The following SCN3A variants were observed in gnomAD, a reference collection of about 807,000 sequenced individuals.
SCN3A encodes sodium voltage-gated channel alpha subunit 3.
SCN3A carries 60 observed loss-of-function variants against 187.6 expected under a neutral mutation model. The ratio of observed to expected loss-of-function variants is 0.32; its 90% CI spans 0.26 to 0.40. SCN3A has a LOEUF of 0.40. SCN3A is among the 10% of genes least tolerant of loss of function. The pLI is 1.00. For synonymous variants in SCN3A, 788 were observed against 829.2 expected (o/e 0.95, Z 0.85); for missense variants, 1,601 against 2,428.2 (o/e 0.66, Z 7.16).
intron 9 of SCN3A, among the ~76,000 whole-genome samples, chr2:165,156,278 G>A (rs759021577): frequency 2.6e-5 from 4 of 151,794 alleles, no homozygotes; most frequent in Admixed American, 6.6e-5. Flanking sequence ...AGGCCAAGGC[G>A]GGCGGATCAT....
At chr2:165,099,509 G>A (rs1009103985) in intron 22 of SCN3A, among the ~76,000 whole-genome samples, 2 of 152,080 alleles carry the variant, frequency 1.3e-5, no homozygotes, top group African/African-American at 4.8e-5. Flanking sequence ...ATGAGGTCAG[G>A]GGATCGAGAC....
intron 11 of SCN3A, among the ~76,000 whole-genome samples, chr2:165,152,953 A>G (rs979304590): frequency 7.2e-4 from 109 of 151,836 alleles, no homozygotes; most frequent in African/African-American, 2.3e-3. Flanking sequence ...TTAGAAAAAA[A>G]ACTCATACAG....
chr2:165,170,130 G>T (rs935583219), intron 4 of SCN3A, among the ~76,000 whole-genome samples: 1 of 151,796 alleles, frequency 6.6e-6, no homozygotes, highest in African/African-American at 2.4e-5. Context: ...TTTAGCAATG[G>T]TTATATATGA....
intron 17 of SCN3A, among the ~76,000 whole-genome samples, 198 bp downstream of exon 17, chr2:165,129,742 A>T (rs1687201486): frequency 6.6e-6 from 1 of 152,222 alleles, no homozygotes; most frequent in South Asian, 2.1e-4. Context: ...TTTCAGTTTT[A>T]TTATTCCAAT....
intron 2 of SCN3A, among the ~76,000 whole-genome samples, chr2:165,180,470 G>C (rs918954648): frequency 1.4e-4 from 21 of 152,162 alleles, no homozygotes; most frequent in Non-Finnish European, 2.8e-4. Flanking sequence ...AAGTGATATT[G>C]GAGTAGGTTT....
Position 165,162,647 on chromosome 2 carries a change from AGTG to A in SCN3A, c.873_875del (p.Thr292del). On this transcript the variant is annotated inframe_deletion, in exon 8 of 28. Transcript: ENST00000283254. ...AATCCATTGTGCCATTAAAGTAGGA[AGTG>A]GTGTTGGTTTCAAAAGCAGAATCGC... 6.2e-7 allele frequency: 1 copy of A among 1,614,158 alleles called. No individual in the cohort carries two copies. Among genetic ancestry groups the A allele is most frequent in the South Asian group, 1.1e-5 (1 of 91,086 alleles).
chr2:165,190,606 A>G (rs940658265), intron 1 of SCN3A, among the ~76,000 whole-genome samples: 1 of 147,252 alleles, frequency 6.8e-6, no homozygotes, highest in Non-Finnish European at 1.5e-5. Flanking sequence ...ATAACTTTAT[A>G]TATATATATA....
At chr2:165,111,313 CA>C (rs1275130920) in intron 21 of SCN3A, among the ~76,000 whole-genome samples, 1 of 152,030 alleles carries the variant, frequency 6.6e-6, no homozygotes, top group Non-Finnish European at 1.5e-5. Context: ...CCAGCCTAGG[CA>C]AGAAGAGCGA....
At position 165,140,080 on chromosome 2, in the gene SCN3A, T is replaced by C. The variant is rs1372738350; in HGVS notation, c.2020-472A>G. Among the ~76,000 whole-genome samples, 2 of 152,156 alleles carry C rather than the reference T, an allele frequency of 1.3e-5. No homozygotes were observed. The highest frequency in any genetic ancestry group is 4.8e-5 in the African/African-American group (2 of 41,436). ...GACATATGTGGGCCAATTTTTTCCA[T>C]GCACAAACACAGATGTACGATGAAA... On this transcript the variant is annotated intron_variant, in intron 13 of 27. Transcript: ENST00000283254. The surrounding 1 kb of genome is among the most constrained non-coding windows in gnomAD (Gnocchi z 4.2).
intron 27 of SCN3A, among the ~76,000 whole-genome samples, chr2:165,091,639 T>C (rs930917339): frequency 4.6e-5 from 7 of 152,200 alleles, no homozygotes; most frequent in Admixed American, 1.3e-4. Flanking sequence ...TACACATGAA[T>C]TGTGGCAATT....
At chr2:165,194,660 C>A (rs181559150) in intron 1 of SCN3A, among the ~76,000 whole-genome samples, 1 of 152,122 alleles carries the variant, frequency 6.6e-6, no homozygotes, top group East Asian at 1.9e-4. Flanking sequence ...CAATTTTGTA[C>A]ACATGACATC....
chr2:165,135,661 A>G (rs900446156), intron 15 of SCN3A, among the ~76,000 whole-genome samples: 2 of 152,110 alleles, frequency 1.3e-5, no homozygotes, highest in African/African-American at 4.8e-5. Context: ...TCATATGGAT[A>G]TTTATGATAA....
chr2:165,089,929 G>C lies in SCN3A; in HGVS notation c.*221C>G, dbSNP rs991884375. On this transcript the variant is annotated 3_prime_UTR_variant, in exon 28 of 28. Transcript: ENST00000283254. ...ATTGGGTTTCTCCTCAGCAGTGTCA[G>C]CTGGTAATAAAAACAGCAACCTCTT... 1 of 590,862 alleles carries C rather than the reference G, an allele frequency of 1.7e-6. No homozygotes were observed. The highest frequency in any genetic ancestry group is 1.9e-5 in the African/African-American group (1 of 53,474). 36.6% of individuals were successfully genotyped at this position (590,862 alleles called of 1,614,324 possible).
At chr2:165,181,218 T>C (rs1026496932) in intron 2 of SCN3A, among the ~76,000 whole-genome samples, 7 of 152,214 alleles carry the variant, frequency 4.6e-5, no homozygotes, top group Non-Finnish European at 1.0e-4. Context: ...TTCACGCATA[T>C]GTGTGGCTGG....
chr2:165,099,321 A>G (rs2105655803), intron 22 of SCN3A, among the ~76,000 whole-genome samples: 2 of 152,306 alleles, frequency 1.3e-5, no homozygotes, highest in Admixed American at 1.3e-4. Context: ...TTATGTTTAG[A>G]TGCATAATAT....
At chr2:165,135,579 C>A (rs767890170) in intron 15 of SCN3A, among the ~76,000 whole-genome samples, 10 of 151,984 alleles carry the variant, frequency 6.6e-5, no homozygotes, top group Non-Finnish European at 1.3e-4. Context: ...AGCTTAGCAC[C>A]AATGATAGAA....
At chr2:165,165,636 T>G (rs1049811472) in intron 5 of SCN3A, among the ~76,000 whole-genome samples, 1 of 152,178 alleles carries the variant, frequency 6.6e-6, no homozygotes, top group Non-Finnish European at 1.5e-5. Context: ...AAGCACAATT[T>G]AAGTTTATTT....
intron 13 of SCN3A, 152 bp from the exon 14 acceptor site, chr2:165,139,760 G>GT (rs200435317): frequency 0.03 from 22,480 of 739,442 alleles, 26 homozygotes; most frequent in East Asian, 0.071. Flanking sequence ...GTTATAAACA[G>GT]TTTTTTTTTT....
chr2:165,094,240 A>T, intron 26 of SCN3A, 134 bp downstream of exon 26: 2 of 775,830 alleles, frequency 2.6e-6, no homozygotes, highest in South Asian at 1.4e-5. Context: ...GTGAATTATG[A>T]TGCAAAATAT....
Sources: gnomAD v4.1 joint callset for allele counts (sites outside exome capture counted in the v4.1 genomes callset) on GRCh38, gnomAD v4.1.1 for gene constraint, Gnocchi (gnomAD v3.1) non-coding constraint, MANE v1.5 for transcripts, NCBI Gene and HGNC (gene_info 2026-07-23, HGNC 2026-07-21) for gene names.